The following PIEZO2 variants were observed in gnomAD, a reference collection of about 807,000 sequenced individuals.
The protein encoded by PIEZO2 is piezo-type mechanosensitive ion channel component 2.
PIEZO2 carries 172 observed loss-of-function variants against 337.3 expected under a neutral mutation model. The observed-to-expected ratio is 0.51, with a 90% CI of 0.45 to 0.58. PIEZO2 has a LOEUF of 0.58. PIEZO2 is among the 20% of genes least tolerant of loss of function. PIEZO2 has a pLI of 0.00. For missense variants in PIEZO2, 3,028 were observed against 3,391.3 expected, an observed-to-expected ratio of 0.89 and a Z score of 2.66; for synonymous variants, 1,251 against 1,228.5, an observed-to-expected ratio of 1.02 and a Z score of -0.38.
intron 4 of PIEZO2, among the ~76,000 whole-genome samples, chr18:10,886,391 T>TACACAC (rs1568165626): frequency 3.5e-5 from 1 of 28,390 alleles, no homozygotes; most frequent in Non-Finnish European, 5.7e-5. Flanking sequence ...TATATATATA[T>TACACAC]ATATATATAT....
chr18:10,673,941 A>C lies in PIEZO2; in HGVS notation c.8162-1068T>G, dbSNP rs1321387476. On this transcript the variant is annotated intron_variant, in intron 54 of 55. Transcript: ENST00000674853. The surrounding 1 kb of genome is among the most constrained non-coding windows in gnomAD (Gnocchi z 4.8). The stretch of plus-strand genomic sequence containing the variant: ...CATACCAAAATTTCATAATGTTTTA[A>C]GAAAGTTTACAGATTTGTGTTGGGC... Among the ~76,000 whole-genome samples the C allele has an allele frequency of 6.6e-6, 1 of 152,234 alleles. No homozygotes were observed. The highest frequency in any genetic ancestry group is 1.5e-5 in the Non-Finnish European group (1 of 68,044).
chr18:10,964,529 A>G (rs887685329), intron 3 of PIEZO2, among the ~76,000 whole-genome samples: 7 of 152,250 alleles, frequency 4.6e-5, no homozygotes, highest in African/African-American at 1.4e-4. Context: ...CAAAAGCTTT[A>G]CTGAAATGCT....
At chr18:10,983,671 A>G (rs2034756957) in intron 2 of PIEZO2, among the ~76,000 whole-genome samples, 1 of 151,780 alleles carries the variant, frequency 6.6e-6, no homozygotes, top group African/African-American at 2.4e-5. Context: ...CCACAGGATG[A>G]CTTGCCTGAG....
Position 11,080,593 on chromosome 18 carries a change from C to T in PIEZO2, c.65-14371G>A, listed in dbSNP as rs149644381. 1.4e-3 allele frequency among the ~76,000 whole-genome samples: 215 copies of T among 152,372 alleles called. 3 individuals are homozygous for T. The East Asian group carries it at 0.028, about 20-fold the overall frequency. Reference sequence around the variant, plus strand: ...CAGGTGCGGGGCTCACGCCTATAATCCCAGCACTTTGGGAGACCGAGGCGG... The same window carrying T: ...CAGGTGCGGGGCTCACGCCTATAATTCCAGCACTTTGGGAGACCGAGGCGG... On this transcript the variant is annotated intron_variant, in intron 1 of 55. Transcript: ENST00000674853. The surrounding 1 kb of genome is among the most constrained non-coding windows in gnomAD (Gnocchi z 5.4).
Position 11,028,512 on chromosome 18 carries a change from T to A in PIEZO2, c.160+37615A>T, listed in dbSNP as rs899331012. 6.6e-6 allele frequency among the ~76,000 whole-genome samples: 1 copy of A among 152,148 alleles called. No individual in the cohort carries two copies. Among genetic ancestry groups the A allele is most frequent in the African/African-American group, 2.4e-5 (1 of 41,420 alleles). On this transcript the variant is annotated intron_variant, in intron 2 of 55. Coordinates refer to ENST00000674853, the MANE Select transcript of PIEZO2 (RefSeq NM_001378183.1). This position sits in a 1 kb window ranked among gnomAD's most constrained non-coding sequence, Gnocchi z 4.8. ...CTGACCTCAGATGATCCGCCAGCCT[T>A]GGACTCCCAAAGTGCTGGGATTACA...
intron 21 of PIEZO2, among the ~76,000 whole-genome samples, chr18:10,764,366 G>A (rs928900822): frequency 1.3e-5 from 2 of 152,166 alleles, no homozygotes; most frequent in Non-Finnish European, 2.9e-5. Flanking sequence ...AAGAGGCCGG[G>A]TGAGGTGGCT....
At chr18:10,801,473 A>C in intron 9 of PIEZO2, 45 bp from the exon 10 acceptor site, 1 of 1,449,662 alleles carries the variant, frequency 6.9e-7, no homozygotes, top group South Asian at 1.2e-5. Flanking sequence ...GGAAGCTGAA[A>C]GCATTTTACT....
intron 8 of PIEZO2, 50 bp from the exon 9 acceptor site, chr18:10,804,044 A>G (rs979229239): frequency 1.3e-6 from 2 of 1,527,782 alleles, no homozygotes; most frequent in Non-Finnish European, 8.8e-7. Context: ...AGTTCCCTAG[A>G]CAGCCTGGGT....
chr18:10,789,046 T>C (rs2144152580), intron 15 of PIEZO2, 33 bp downstream of exon 15: 1 of 1,514,588 alleles, frequency 6.6e-7, no homozygotes, highest in Non-Finnish European at 8.8e-7. Flanking sequence ...CTGGGAGAGA[T>C]GTGAGAATTA....
chr18:11,136,076 A>G (rs1040216720), intron 1 of PIEZO2, among the ~76,000 whole-genome samples: 1 of 152,240 alleles, frequency 6.6e-6, no homozygotes. Context: ...TGCTTTAGGG[A>G]CTGTGTCACA....
In PIEZO2 at chr18:10,837,730, T is replaced by TTA. The variant is rs1245511479; in HGVS notation, c.917+17621_917+17622dup. ...AGCAATGTTTGTGTTCCCAACCATT[T>TTA]TATAAAATTTCCTCATTTTTTTTTG... On this transcript the variant is annotated intron_variant, in intron 7 of 55. Transcript: ENST00000674853. The surrounding 1 kb of genome is among the most constrained non-coding windows in gnomAD (Gnocchi z 4.4). 2.0e-5 allele frequency among the ~76,000 whole-genome samples: 3 copies of TTA among 152,138 alleles called. No homozygotes were observed. Among genetic ancestry groups the TTA allele is most frequent in the African/African-American group, 7.2e-5 (3 of 41,418 alleles).
chr18:10,720,234 G>GTGTGTGTGTATATATATATATATATA, intron 36 of PIEZO2, among the ~76,000 whole-genome samples: 1 of 119,914 alleles, frequency 8.3e-6, no homozygotes, highest in East Asian at 2.9e-4. Flanking sequence ...GTGTGTGTGT[G>GTGTGTGTGTATATATATATATATATA]TATATATATA....
chr18:10,907,911 A>G (rs1418052208), intron 4 of PIEZO2, among the ~76,000 whole-genome samples: 1 of 152,256 alleles, frequency 6.6e-6, no homozygotes, highest in Non-Finnish European at 1.5e-5. Context: ...CTAATGTAGT[A>G]CCAGGAGTGG....
chr18:11,052,750 T>C (rs1293465057), intron 2 of PIEZO2, among the ~76,000 whole-genome samples: 1 of 152,206 alleles, frequency 6.6e-6, no homozygotes, highest in Non-Finnish European at 1.5e-5. Flanking sequence ...TCAATTAATA[T>C]TTGGTGAAAG....
Position 10,853,424 on chromosome 18 carries a change from T to G in PIEZO2, c.917+1929A>C, listed in dbSNP as rs534371204. On this transcript the variant is annotated intron_variant, in intron 7 of 55. Coordinates refer to ENST00000674853, the MANE Select transcript of PIEZO2 (RefSeq NM_001378183.1). The surrounding 1 kb of genome is among the most constrained non-coding windows in gnomAD (Gnocchi z 4.2). Reference sequence around the variant, plus strand: ...ACTCATTCCTGCTCCAAAACTTGCCTCAGTCTCTCCTGCCTTATGCACCTC... The same window carrying G: ...ACTCATTCCTGCTCCAAAACTTGCCGCAGTCTCTCCTGCCTTATGCACCTC... Among the ~76,000 whole-genome samples, 5 of 152,242 alleles carry G rather than the reference T, an allele frequency of 3.3e-5. No individual in the cohort carries two copies. Among genetic ancestry groups the G allele is most frequent in the Non-Finnish European group, 7.3e-5 (5 of 68,048 alleles).
At chr18:10,739,206 T>C (rs188630500) in intron 33 of PIEZO2, 2 of 152,328 alleles carry the variant, frequency 1.3e-5, no homozygotes, top group African/African-American at 2.4e-5. Context: ...CAGCAAAAAA[T>C]TTAACACCAC....
rs2036806092 is a variant in PIEZO2 at position 11,033,289 on chromosome 18, A to C, written c.160+32838T>G. 6.6e-6 allele frequency among the ~76,000 whole-genome samples: 1 copy of C among 152,168 alleles called. No individual in the cohort carries two copies. The highest frequency in any genetic ancestry group is 1.5e-5 in the Non-Finnish European group (1 of 68,026). ...GGAGAAGGCAGGATCTGACTCTAAC[A>C]TCATTCCTGGCTGTAGACACTAGAC... On this transcript the variant is annotated intron_variant, in intron 2 of 55. Transcript: ENST00000674853. This position sits in a 1 kb window ranked among gnomAD's most constrained non-coding sequence, Gnocchi z 4.2.
At chr18:11,066,758 C>A (rs775504530) in intron 1 of PIEZO2, among the ~76,000 whole-genome samples, 12 of 152,118 alleles carry the variant, frequency 7.9e-5, no homozygotes, top group Non-Finnish European at 1.8e-4. Flanking sequence ...CCCCACCACG[C>A]CTGGCTAATT....
At chr18:10,717,994 T>A (rs1311194366) in intron 37 of PIEZO2, among the ~76,000 whole-genome samples, 8 of 152,212 alleles carry the variant, frequency 5.3e-5, no homozygotes, top group Non-Finnish European at 1.0e-4. Context: ...CAACATTTTA[T>A]CCAACTGCAT....
Sources: gnomAD v4.1 joint callset for allele counts (sites outside exome capture counted in the v4.1 genomes callset) on GRCh38, gnomAD v4.1.1 for gene constraint, Gnocchi (gnomAD v3.1) non-coding constraint, MANE v1.5 for transcripts, NCBI Gene and HGNC (gene_info 2026-07-23, HGNC 2026-07-21) for gene names.